Variants in PTPN1 observed in about 807,000 individuals in gnomAD.
PTPN1 encodes tyrosine-protein phosphatase non-receptor type 1.
Under a neutral mutation model 59.9 loss-of-function variants are expected in PTPN1, and 12 were observed. The ratio of observed to expected loss-of-function variants is 0.20; its 90% confidence interval spans 0.13 to 0.32. The LOEUF (loss-of-function observed/expected upper bound fraction) is 0.32. Ranked by LOEUF, PTPN1 falls within the 10% of genes least tolerant of loss-of-function variation. The pLI is 1.00. For missense variants in PTPN1, 356 were observed against 549.2 expected (o/e 0.65, Z 3.52); for synonymous variants, 178 against 203.6 (o/e 0.87, Z 1.07).
intron 1 of PTPN1, among the ~76,000 whole-genome samples, chr20:50,541,831 A>G (rs1249072751): frequency 6.6e-6 from 1 of 152,094 alleles, no homozygotes; most frequent in Non-Finnish European, 1.5e-5. Flanking sequence ...GAGGCCAACC[A>G]AAGTCGGCAA....
chr20:50,578,105 C>T, intron 5 of PTPN1: 1 of 230,146 alleles, frequency 4.3e-6, no homozygotes. Flanking sequence ...ATCATTGTGA[C>T]TCGTGAGACA....
intron 1 of PTPN1, among the ~76,000 whole-genome samples, chr20:50,541,657 G>A (rs2082653328): frequency 6.6e-6 from 1 of 152,186 alleles, no homozygotes; most frequent in African/African-American, 2.4e-5. Context: ...GCAAGAACCT[G>A]CAGAGTGACA....
chr20:50,567,425 T>C (rs2082784239), intron 3 of PTPN1, among the ~76,000 whole-genome samples: 1 of 151,202 alleles, frequency 6.6e-6, no homozygotes, highest in Non-Finnish European at 1.5e-5. Flanking sequence ...AGACTCTGCC[T>C]CAAAAAAAAT....
rs62204805 is a variant in PTPN1 at position 50,531,351 on chromosome 20, G to A, written c.63+20761G>A. ...GACAAAGTAGAAATAAAACCTTCAAGGCGGGGTTGTTGGTGGGAGTCTTTT... is the reference window on the plus strand; with the variant it reads ...GACAAAGTAGAAATAAAACCTTCAAAGCGGGGTTGTTGGTGGGAGTCTTTT... On this transcript the variant is annotated intron_variant, in intron 1 of 9. Transcript: ENST00000371621. Among the ~76,000 whole-genome samples the A allele has an allele frequency of 9.1e-3, 1,388 of 152,262 alleles. 5 individuals carry two copies. Among genetic ancestry groups the A allele is most frequent in the South Asian group, 0.016 (79 of 4,818 alleles).
chr20:50,578,385 C>A (rs748471704), intron 5 of PTPN1, 35 bp from the exon 6 acceptor site: 4 of 1,553,138 alleles, frequency 2.6e-6, no homozygotes, highest in East Asian at 2.2e-5. Flanking sequence ...ACAGATGATT[C>A]TTTTAGAATC....
Position 50,524,312 on chromosome 20 carries a change from T to C in PTPN1, c.63+13722T>C, listed in dbSNP as rs182176398. 1.7e-3 allele frequency among the ~76,000 whole-genome samples: 255 copies of C among 152,292 alleles called. 2 individuals carry two copies. Among genetic ancestry groups the C allele is most frequent in the Admixed American group, 0.016 (240 of 15,306 alleles). ...TAGTAGGCAGGCAGTACAGGATTCA[T>C]TGAAGTGAAGTGATAACTTTTATCC... On this transcript the variant is annotated intron_variant, in intron 1 of 9. Coordinates refer to ENST00000371621, the MANE Select transcript of PTPN1 (RefSeq NM_002827.4).
intron 1 of PTPN1, among the ~76,000 whole-genome samples, chr20:50,513,635 G>GGGCCACTCTTCCAAT (rs1348765824): frequency 5.3e-5 from 8 of 152,102 alleles, no homozygotes; most frequent in Admixed American, 3.3e-4. Flanking sequence ...TTTGTAAAAT[G>GGGCCACTCTTCCAAT]GGCCACTCTT....
intron 1 of PTPN1, among the ~76,000 whole-genome samples, chr20:50,522,607 T>G (rs1344099371): frequency 2.0e-5 from 3 of 152,246 alleles, no homozygotes; most frequent in African/African-American, 4.8e-5. Context: ...TCTTTGATCC[T>G]TCTTGAACAC....
In PTPN1 at chr20:50,513,360, T is replaced by G. The variant is rs150081769; in HGVS notation, c.63+2770T>G. Among the ~76,000 whole-genome samples the G allele has an allele frequency of 2.2e-4, 33 of 152,256 alleles. No individual in the cohort carries two copies. The East Asian group carries it at 5.8e-3, about 27-fold the overall frequency. On this transcript the variant is annotated intron_variant, in intron 1 of 9. Transcript: ENST00000371621. Reference sequence around the variant, plus strand: ...TCTAAGAGGAGAGAATGAGCCCAGATGAGGAAAAGAGATTGATTTTACTGA... The same window carrying G: ...TCTAAGAGGAGAGAATGAGCCCAGAGGAGGAAAAGAGATTGATTTTACTGA...
In PTPN1 at chr20:50,579,312, G is replaced by A; in HGVS notation, c.847G>A (p.Gly283Arg). The A allele has an allele frequency of 6.2e-7, 1 of 1,614,168 alleles. No homozygotes were observed. Among genetic ancestry groups the A allele is most frequent in the Non-Finnish European group, 8.5e-7 (1 of 1,180,018 alleles). The change falls in exon 7 of 10, where the codon GGG (glycine) becomes AGG (arginine). Residue 283 changes from glycine (G) to arginine (R), a missense_variant. Physicochemically the swap from Gly to Arg is moderately radical, Grantham distance 125. This residue lies in a region of PTPN1 where 100 missense variants were observed against 107.7 expected (regional missense o/e 0.93). Transcript: ENST00000371621. ...GATCGAAGGTGCCAAATTCATCATG[G>A]GGGACTCTTCCGTGCAGGTCAGCAT... Reference protein sequence around the residue: ...AVIEGAKFIMGDSSVQDQWKE... With the variant: ...AVIEGAKFIMRDSSVQDQWKE...
intron 5 of PTPN1, chr20:50,575,082 A>T (rs2082829281): frequency 6.2e-6 from 1 of 160,390 alleles, no homozygotes; most frequent in Non-Finnish European, 1.4e-5. Flanking sequence ...TTTCTGGGCC[A>T]GGTCTTGGGT....
intron 3 of PTPN1, among the ~76,000 whole-genome samples, chr20:50,566,768 T>C (rs1195217630): frequency 6.6e-6 from 1 of 152,138 alleles, no homozygotes. Context: ...CTTGCAGATC[T>C]TAGGGGATTG....
At chr20:50,545,788 G>A (rs2082672599) in intron 1 of PTPN1, among the ~76,000 whole-genome samples, 1 of 152,110 alleles carries the variant, frequency 6.6e-6, no homozygotes, top group Non-Finnish European at 1.5e-5. Context: ...GGCCAAGGCA[G>A]GCAGATCGCT....
At chr20:50,546,486 T>C (rs1250680593) in intron 1 of PTPN1, among the ~76,000 whole-genome samples, 1 of 152,232 alleles carries the variant, frequency 6.6e-6, no homozygotes, top group Admixed American at 6.5e-5. Flanking sequence ...TTCTTCATCC[T>C]TACCCCTCAG....
intron 1 of PTPN1, among the ~76,000 whole-genome samples, chr20:50,531,520 G>T (rs565565074): frequency 1.3e-5 from 2 of 152,128 alleles, no homozygotes; most frequent in African/African-American, 4.8e-5. Flanking sequence ...GGGATTTCAG[G>T]CTCCCGCCAC....
Position 50,581,358 on chromosome 20 carries a change from G to A in PTPN1, c.1182G>A (p.Leu394=), listed in dbSNP as rs1234357187. 6.2e-7 allele frequency: 1 copy of A among 1,614,156 alleles called. No homozygotes were observed. Among genetic ancestry groups the A allele is most frequent in the South Asian group, 1.1e-5 (1 of 91,090 alleles). ...AASPAKGEPS[L]PEKDEDHALS... ...CCCCAGCCAAAGGGGAGCCGTCACT[G>A]CCCGAGAAGGACGAGGACCATGCAC... is the stretch of plus-strand genomic sequence containing the variant. The change falls in exon 9 of 10, where the codon CTG becomes CTA. Residue 394 remains leucine, a synonymous_variant. Coordinates refer to ENST00000371621, the MANE Select transcript of PTPN1 (RefSeq NM_002827.4).
chr20:50,529,533 A>T (rs1217739519), intron 1 of PTPN1, among the ~76,000 whole-genome samples: 2 of 152,240 alleles, frequency 1.3e-5, no homozygotes, highest in African/African-American at 4.8e-5. Context: ...ATCTTGCCAG[A>T]AAGTTTATAG....
chr20:50,565,485 C>A (rs545709007), intron 3 of PTPN1, among the ~76,000 whole-genome samples: 8 of 152,328 alleles, frequency 5.3e-5, no homozygotes, highest in Admixed American at 1.3e-4. Flanking sequence ...TTCAGAGTAG[C>A]TCAGCATGGT....
At chr20:50,548,404 A>G (rs1001108946) in intron 1 of PTPN1, among the ~76,000 whole-genome samples, 1 of 151,642 alleles carries the variant, frequency 6.6e-6, no homozygotes, top group Admixed American at 6.6e-5. Flanking sequence ...TCTAATCTTA[A>G]GTATATTTAA....
Sources: allele counts gnomAD v4.1 joint callset (sites outside exome capture counted in the v4.1 genomes callset), GRCh38; gene constraint gnomAD v4.1.1; regional missense constraint gnomAD v4.1.1; transcripts MANE v1.5; gene names NCBI Gene and HGNC (gene_info 2026-07-23, HGNC 2026-07-21).